The following TRPA1 variants were observed in gnomAD, a reference collection of about 807,000 sequenced individuals.
TRPA1 encodes the protein transient receptor potential cation channel subfamily A member 1.
Under a neutral mutation model 131.3 loss-of-function variants are expected in TRPA1, and 129 were observed. That is an observed-to-expected ratio of 0.98 (90% CI 0.85 to 1.14). TRPA1 has a LOEUF of 1.14. Ranked by LOEUF, TRPA1 falls within the 50% of genes most tolerant of loss-of-function variation. The probability of loss-of-function intolerance (pLI) is 0.00; values close to 1 mark genes in which losing one functional copy is unlikely to be tolerated. For synonymous variants in TRPA1, 441 were observed against 451.7 expected (o/e 0.98, Z 0.30); for missense variants, 1,304 against 1,354.2 (o/e 0.96, Z 0.58).
intron 17 of TRPA1, 62 bp from the exon 18 acceptor site, chr8:72,039,859 A>C: frequency 9.4e-7 from 1 of 1,060,194 alleles, no homozygotes; most frequent in Non-Finnish European, 1.5e-6. Context: ...GTATAAACTA[A>C]TCTATTTATT....
At chr8:72,053,990 C>G in intron 12 of TRPA1, 123 bp from the exon 13 acceptor site, 1 of 699,886 alleles carries the variant, frequency 1.4e-6, no homozygotes, top group Non-Finnish European at 2.6e-6. Context: ...GATCTGGCAA[C>G]TAAATATTTA....
chr8:72,080,331 CAA>C (rs149584905), upstream of TRPA1, among the ~76,000 whole-genome samples: 5,812 of 151,794 alleles, frequency 0.038, 371 homozygotes, highest in African/African-American at 0.13. Context: ...TTGTTTTTAT[CAA>C]GAGTGGGTGT....
chr8:72,024,266 G>A (rs1330074912), intron 25 of TRPA1, among the ~76,000 whole-genome samples: 1 of 152,144 alleles, frequency 6.6e-6, no homozygotes, highest in Non-Finnish European at 1.5e-5. Flanking sequence ...ATCTAAAACT[G>A]TACTGCACAT....
the TRPA1 span, among the ~76,000 whole-genome samples, chr8:72,084,832 A>G: frequency 2.0e-5 from 3 of 151,640 alleles, no homozygotes; most frequent in Non-Finnish European, 4.4e-5. Flanking sequence ...TTGTATTTTT[A>G]GGAGAGACGA....
upstream of TRPA1, among the ~76,000 whole-genome samples, chr8:72,080,006 T>C (rs1806258979): frequency 6.6e-6 from 1 of 151,998 alleles, no homozygotes; most frequent in South Asian, 2.1e-4. Context: ...TGATCTTGTT[T>C]TCTACAGTAT....
At chr8:72,071,104 T>C (rs1487715917) in intron 2 of TRPA1, among the ~76,000 whole-genome samples, 1 of 152,232 alleles carries the variant, frequency 6.6e-6, no homozygotes, top group East Asian at 1.9e-4. Flanking sequence ...CTCCTTTTTG[T>C]AGCCTCACAA....
chr8:72,029,628 G>A (rs1811734763), intron 24 of TRPA1: 2 of 547,800 alleles, frequency 3.7e-6, no homozygotes, highest in Admixed American at 6.2e-5. Flanking sequence ...TGCATATTCA[G>A]TAGAATCTGT....
intron 1 of TRPA1, among the ~76,000 whole-genome samples, chr8:72,073,425 T>C (rs1318418413): frequency 1.3e-5 from 2 of 152,190 alleles, no homozygotes; most frequent in East Asian, 3.8e-4. Flanking sequence ...CTGGAGAAAA[T>C]ATGTTATACA....
chr8:72,032,461 A>G (rs1433559277), intron 23 of TRPA1, among the ~76,000 whole-genome samples: 1 of 152,204 alleles, frequency 6.6e-6, no homozygotes, highest in Non-Finnish European at 1.5e-5. Flanking sequence ...CTATCTGCCA[A>G]TGATCTTAGT....
At chr8:72,060,025 G>T (rs187107890) in intron 7 of TRPA1, among the ~76,000 whole-genome samples, 5 of 152,062 alleles carry the variant, frequency 3.3e-5, no homozygotes, top group Admixed American at 2.6e-4. Flanking sequence ...GTTTCCTATC[G>T]CAAATCTCAT....
At chr8:72,088,444 A>G in the TRPA1 span, among the ~76,000 whole-genome samples, 2 of 150,230 alleles carry the variant, frequency 1.3e-5, no homozygotes, top group African/African-American at 4.9e-5. Context: ...TTAGACAACA[A>G]TCTCAATCCA....
At chr8:72,084,802 C>T in the TRPA1 span, among the ~76,000 whole-genome samples, 4 of 151,778 alleles carry the variant, frequency 2.6e-5, no homozygotes, top group African/African-American at 9.7e-5. Flanking sequence ...CAGGTGCCTG[C>T]CACCACACCC....
chr8:72,046,656 A>G (rs900454826), intron 16 of TRPA1, 48 bp from the exon 17 acceptor site: 9 of 960,810 alleles, frequency 9.4e-6, no homozygotes, highest in Non-Finnish European at 1.5e-5. Context: ...TTAGTCAAGT[A>G]TAGAATCCCC....
chr8:72,050,594 T>C (rs1805477493), intron 15 of TRPA1, among the ~76,000 whole-genome samples, 184 bp downstream of exon 15: 1 of 152,192 alleles, frequency 6.6e-6, no homozygotes, highest in Admixed American at 6.5e-5. Flanking sequence ...CTATTACATA[T>C]AATAACTAAT....
chr8:72,034,486 A>C (rs545984683), intron 21 of TRPA1, 109 bp from the exon 22 acceptor site: 8 of 632,396 alleles, frequency 1.3e-5, no homozygotes, highest in Non-Finnish European at 2.1e-5. Context: ...CACAGATGAG[A>C]TCACTGAGGC....
intron 1 of TRPA1, among the ~76,000 whole-genome samples, 175 bp from the exon 2 acceptor site, chr8:72,072,042 A>T (rs867031030): frequency 6.6e-6 from 1 of 152,228 alleles, no homozygotes; most frequent in Non-Finnish European, 1.5e-5. Flanking sequence ...AGGTTTGAGA[A>T]AATGCCCCAA....
intron 1 of TRPA1, among the ~76,000 whole-genome samples, chr8:72,072,664 T>C (rs1806090911): frequency 6.6e-6 from 1 of 152,252 alleles, no homozygotes; most frequent in African/African-American, 2.4e-5. Context: ...TGTCTCATCC[T>C]ATCAAAGAAA....
Position 72,022,989 on chromosome 8 carries a change from T to C in TRPA1, c.3277A>G (p.Lys1093Glu). 6.2e-7 allele frequency: 1 copy of C among 1,613,902 alleles called. No homozygotes were observed. Among genetic ancestry groups the C allele is most frequent in the Non-Finnish European group, 8.5e-7 (1 of 1,179,870 alleles). The change falls in exon 27 of 27, where the codon AAA becomes GAA. Residue 1093 changes from lysine to glutamate, a missense_variant. Transcript: ENST00000262209. Reference protein sequence around the residue: ...SHCSFQDRFKKEQMEQRNSRW... With the variant: ...SHCSFQDRFKEEQMEQRNSRW... ...CTATTCCTTTGTTCCATCTGCTCTTTCTTAAACCTGTCTTGAAAAGAACAA... is the reference window on the plus strand; with the variant it reads ...CTATTCCTTTGTTCCATCTGCTCTTCCTTAAACCTGTCTTGAAAAGAACAA...
chr8:72,060,277 G>A (rs1209546198), intron 7 of TRPA1: 2 of 151,934 alleles, frequency 1.3e-5, no homozygotes, highest in Admixed American at 1.3e-4. Context: ...CAAATCATTG[G>A]GTTTGTAAAT....
Sources: allele counts gnomAD v4.1 joint callset (sites outside exome capture counted in the v4.1 genomes callset), GRCh38; gene constraint gnomAD v4.1.1; transcripts MANE v1.5; gene names NCBI Gene and HGNC (gene_info 2026-07-23, HGNC 2026-07-21).